The following FAM107B variants were observed in gnomAD, a reference collection of about 807,000 sequenced individuals.
FAM107B encodes family with sequence similarity 107 member B.
In FAM107B, 21 loss-of-function variants were observed where a neutral mutation model predicts 31.5. The observed-to-expected ratio is 0.67, with a 90% CI of 0.47 to 0.96. The LOEUF is 0.96. Ranked by LOEUF, FAM107B falls within the 40% of genes least tolerant of loss-of-function variation. The pLI, the probability that FAM107B is intolerant of heterozygous loss-of-function variation, is 0.00. For synonymous variants in FAM107B, 157 were observed against 141.5 expected, an observed-to-expected ratio of 1.11 and a Z score of -0.78; for missense variants, 452 against 377.1, an observed-to-expected ratio of 1.20 and a Z score of -1.64.
intron 2 of FAM107B, among the ~76,000 whole-genome samples, chr10:14,660,695 A>T (rs78275091): frequency 0.06 from 9,122 of 152,288 alleles, 327 homozygotes; most frequent in South Asian, 0.11. Context: ...CATGTGGTAT[A>T]TGTGCATGGT....
intron 2 of FAM107B, among the ~76,000 whole-genome samples, chr10:14,602,151 G>A (rs889997895): frequency 6.6e-6 from 1 of 152,154 alleles, no homozygotes; most frequent in African/African-American, 2.4e-5. Flanking sequence ...AGAGCAGACT[G>A]CATGCATGAC....
At chr10:14,755,810 A>G (rs950870894) in intron 1 of FAM107B, among the ~76,000 whole-genome samples, 1 of 152,024 alleles carries the variant, frequency 6.6e-6, no homozygotes, top group East Asian at 1.9e-4. Context: ...ATGTGACATC[A>G]TTGCCTTAGA....
intron 1 of FAM107B, among the ~76,000 whole-genome samples, chr10:14,750,324 A>C (rs1265610274): frequency 2.6e-5 from 4 of 152,194 alleles, no homozygotes; most frequent in African/African-American, 9.7e-5. Context: ...TTTTTAAAGC[A>C]CTGCAAGCCG....
intron 1 of FAM107B, among the ~76,000 whole-genome samples, chr10:14,700,035 C>T (rs1020058619): frequency 6.6e-6 from 1 of 152,164 alleles, no homozygotes; most frequent in African/African-American, 2.4e-5. Context: ...CGGGTGCAAG[C>T]GATTCTTCTG....
chr10:14,662,340 C>T (rs1854265368), intron 2 of FAM107B, among the ~76,000 whole-genome samples: 1 of 150,714 alleles, frequency 6.6e-6, no homozygotes, highest in South Asian at 2.1e-4. Flanking sequence ...GTAACTGCTG[C>T]TGGAGGCAAT....
intron 2 of FAM107B, among the ~76,000 whole-genome samples, chr10:14,626,499 C>CT (rs71505032): frequency 0.13 from 14,123 of 108,922 alleles, 1,594 homozygotes; most frequent in African/African-American, 0.15. Context: ...TGAGGCGGAT[C>CT]TTTTTTTTCT....
At chr10:14,677,966 T>C (rs920001675) in intron 1 of FAM107B, among the ~76,000 whole-genome samples, 3 of 152,232 alleles carry the variant, frequency 2.0e-5, no homozygotes, top group Admixed American at 2.0e-4. Context: ...CTATTCTGTG[T>C]TAGGCACTGT....
At chr10:14,535,804 A>G (rs1847547944) in intron 2 of FAM107B, among the ~76,000 whole-genome samples, 1 of 152,248 alleles carries the variant, frequency 6.6e-6, no homozygotes, top group South Asian at 2.1e-4. Context: ...ATGCTGCCTG[A>G]TGAGAATTCT....
intron 1 of FAM107B, among the ~76,000 whole-genome samples, chr10:14,764,399 A>G (rs772366791): frequency 2.6e-5 from 4 of 152,036 alleles, no homozygotes; most frequent in African/African-American, 4.8e-5. Context: ...CTCAGTTGTC[A>G]TTTTCCACTT....
chr10:14,654,965 A>G (rs1443305055), intron 2 of FAM107B, among the ~76,000 whole-genome samples: 1 of 152,192 alleles, frequency 6.6e-6, no homozygotes, highest in Non-Finnish European at 1.5e-5. Flanking sequence ...GCATTGCTAT[A>G]AAGAAATACC....
chr10:14,722,996 G>A (rs148800768), intron 1 of FAM107B, among the ~76,000 whole-genome samples: 16 of 152,306 alleles, frequency 1.1e-4, no homozygotes, highest in African/African-American at 3.6e-4. Flanking sequence ...TTGGTATACA[G>A]TGTGAGGTAG....
chr10:14,584,279 C>T (rs1035194879), intron 2 of FAM107B, among the ~76,000 whole-genome samples: 1 of 152,126 alleles, frequency 6.6e-6, no homozygotes, highest in African/African-American at 2.4e-5. Flanking sequence ...GATGAGGATG[C>T]CAAGGGTCCC....
At chr10:14,617,067 C>T (rs1048594044) in intron 2 of FAM107B, among the ~76,000 whole-genome samples, 2 of 150,858 alleles carry the variant, frequency 1.3e-5, no homozygotes, top group African/African-American at 2.4e-5. Context: ...GAAAGAGAAC[C>T]GAGAGGAAGA....
intron 1 of FAM107B, among the ~76,000 whole-genome samples, chr10:14,678,249 C>G (rs748618227): frequency 1.3e-5 from 2 of 152,108 alleles, no homozygotes; most frequent in African/African-American, 4.8e-5. Flanking sequence ...AATAAGGTAA[C>G]GAAGTACCTC....
intron 1 of FAM107B, among the ~76,000 whole-genome samples, chr10:14,737,012 G>A (rs1283520106): frequency 6.6e-6 from 1 of 152,124 alleles, no homozygotes; most frequent in African/African-American, 2.4e-5. Context: ...GGAAGGCGGG[G>A]AGTATGAAGG....
chr10:14,675,417 GCAT>G (rs1854659090), intron 1 of FAM107B, among the ~76,000 whole-genome samples: 1 of 152,098 alleles, frequency 6.6e-6, no homozygotes, highest in South Asian at 2.1e-4. Flanking sequence ...CTTATTTGGT[GCAT>G]CTATCCATGG....
rs11259229 is a variant in FAM107B at position 14,618,665 on chromosome 10, C to T, written c.469+48969G>A. ...CAGCCTGGCCAACATAGCGAAATCC[C>T]GTGTCTACTAAAAATACAAACATTA... On this transcript the variant is annotated intron_variant, in intron 2 of 4. Transcript: ENST00000181796. 9.0e-3 allele frequency among the ~76,000 whole-genome samples: 1,367 copies of T among 152,208 alleles called. 21 individuals carry two copies. The highest frequency in any genetic ancestry group is 0.032 in the African/African-American group (1,316 of 41,536).
intron 2 of FAM107B, among the ~76,000 whole-genome samples, chr10:14,641,947 T>A (rs2131433309): frequency 6.6e-6 from 1 of 152,336 alleles, no homozygotes; most frequent in East Asian, 1.9e-4. Flanking sequence ...CTCCTTTAAA[T>A]ATCATCTAAA....
chr10:14,756,890 CT>C (rs1427273389), intron 1 of FAM107B, among the ~76,000 whole-genome samples: 1 of 152,174 alleles, frequency 6.6e-6, no homozygotes, highest in African/African-American at 2.4e-5. Flanking sequence ...GGCCATCATT[CT>C]TAGCAAACTA....
Sources: gnomAD v4.1 joint callset for allele counts (sites outside exome capture counted in the v4.1 genomes callset) on GRCh38, gnomAD v4.1.1 for gene constraint, MANE v1.5 for transcripts, NCBI Gene and HGNC (gene_info 2026-07-23, HGNC 2026-07-21) for gene names.